The following SH3RF2 variants were observed in gnomAD, a reference collection of about 807,000 sequenced individuals.
SH3RF2 encodes SH3 domain containing ring finger 2.
A neutral mutation model predicts 59.0 loss-of-function variants in SH3RF2; 43 were observed. The observed-to-expected ratio is 0.73, with a 90% CI of 0.57 to 0.94. SH3RF2 has a LOEUF of 0.94. Ranked by LOEUF, SH3RF2 falls within the 40% of genes least tolerant of loss-of-function variation. The probability of loss-of-function intolerance (pLI) is 0.00; values close to 1 mark genes in which losing one functional copy is unlikely to be tolerated. For synonymous variants in SH3RF2, 391 were observed against 391.5 expected, an observed-to-expected ratio of 1.00 and a Z score of 0.01; for missense variants, 930 against 940.1, an observed-to-expected ratio of 0.99 and a Z score of 0.14.
chr5:145,967,371 G>GA lies in SH3RF2; in HGVS notation c.378+29075dup, dbSNP rs1020482610. Among the ~76,000 whole-genome samples the GA allele has an allele frequency of 2.3e-3, 341 of 149,298 alleles. 3 individuals carry two copies. The highest frequency in any genetic ancestry group is 5.5e-3 in the African/African-American group (226 of 40,796). ...TCCTGTTAACTGTAAGATACCTCAA[G>GA]AAAAAAAAAATCCCACAGAAGTGGT... On this transcript the variant is annotated intron_variant, in intron 2 of 9. Transcript: ENST00000359120.
chr5:146,027,344 G>A (rs958063441), intron 5 of SH3RF2, among the ~76,000 whole-genome samples: 1 of 152,208 alleles, frequency 6.6e-6, no homozygotes, highest in African/African-American at 2.4e-5. Flanking sequence ...ACACCTCGCA[G>A]TTTTTTCTGG....
intron 4 of SH3RF2, among the ~76,000 whole-genome samples, chr5:146,012,714 A>G (rs976524246): frequency 6.6e-6 from 1 of 152,194 alleles, no homozygotes; most frequent in Non-Finnish European, 1.5e-5. Context: ...GTTTGTCAAC[A>G]TGTTTCAGAT....
chr5:146,064,692 A>G (rs369624190), downstream of SH3RF2, among the ~76,000 whole-genome samples: 9 of 5,018 alleles, frequency 1.8e-3, 1 homozygote, highest in East Asian at 0.033. Flanking sequence ...GAAAGAAAGA[A>G]AGAAAGAAAG....
chr5:145,944,062 G>C (rs1757920286), intron 2 of SH3RF2, among the ~76,000 whole-genome samples: 1 of 152,166 alleles, frequency 6.6e-6, no homozygotes, highest in South Asian at 2.1e-4. Context: ...CTTTGGCTTA[G>C]CTGGGACCAG....
chr5:146,024,298 A>G (rs1013009183), intron 5 of SH3RF2, among the ~76,000 whole-genome samples: 2 of 152,170 alleles, frequency 1.3e-5, no homozygotes, highest in African/African-American at 4.8e-5. Flanking sequence ...ATGTTATCCT[A>G]TTGTGGTTTT....
chr5:146,060,090 C>T lies in SH3RF2; in HGVS notation c.1780C>T (p.His594Tyr). 6.2e-7 allele frequency: 1 copy of T among 1,614,110 alleles called. No homozygotes were observed. Among genetic ancestry groups the T allele is most frequent in the South Asian group, 1.1e-5 (1 of 91,070 alleles). Reference protein sequence around the residue: ...CISRGSEAWIHSAASSLIMED... With the variant: ...CISRGSEAWIYSAASSLIMED... ...CAGCAGGGGCAGTGAGGCCTGGATC[C>T]ACTCCGCGGCCAGCTCCCTCATTAT... The change falls in exon 9 of 10, where the codon CAC (histidine) becomes TAC (tyrosine). Residue 594 changes from histidine to tyrosine, a missense_variant. By Grantham distance (83) the His-to-Tyr change is moderately conservative. Transcript: ENST00000359120.
intron 2 of SH3RF2, among the ~76,000 whole-genome samples, chr5:145,962,008 AT>A (rs1263815215): frequency 6.6e-6 from 1 of 152,186 alleles, no homozygotes; most frequent in Non-Finnish European, 1.5e-5. Flanking sequence ...TCCAGGAGTG[AT>A]ATACTGACAG....
At chr5:146,064,646 GAAA>G (rs1763009940), downstream of SH3RF2, among the ~76,000 whole-genome samples, 3 of 41,746 alleles carry the variant, frequency 7.2e-5, 1 homozygote, top group Non-Finnish European at 1.1e-4. Context: ...GAGAGAGAAA[GAAA>G]GAGAGAGAGA....
intron 5 of SH3RF2, among the ~76,000 whole-genome samples, chr5:146,016,681 C>G (rs566940805): frequency 2.0e-5 from 3 of 152,286 alleles, no homozygotes; most frequent in African/African-American, 7.2e-5. Flanking sequence ...TGTCACTACA[C>G]TATGCTGTCA....
chr5:145,985,239 A>G (rs774041140), intron 2 of SH3RF2, among the ~76,000 whole-genome samples: 1 of 152,266 alleles, frequency 6.6e-6, no homozygotes, highest in Non-Finnish European at 1.5e-5. Flanking sequence ...GTCTCCAACA[A>G]GGGTCATGCT....
At chr5:146,016,866 A>G (rs999322422) in intron 5 of SH3RF2, among the ~76,000 whole-genome samples, 5 of 152,138 alleles carry the variant, frequency 3.3e-5, no homozygotes, top group African/African-American at 1.2e-4. Flanking sequence ...CACCTGAAAA[A>G]GGCTTCCATT....
chr5:145,937,551 G>A (rs547665913), intron 1 of SH3RF2, among the ~76,000 whole-genome samples: 33 of 152,196 alleles, frequency 2.2e-4, no homozygotes, highest in Admixed American at 2.0e-3. Context: ...GGGGTTGGGG[G>A]GCCACTTCAG....
At chr5:145,996,072 G>A (rs1760135857) in intron 2 of SH3RF2, among the ~76,000 whole-genome samples, 2 of 152,102 alleles carry the variant, frequency 1.3e-5, no homozygotes, top group African/African-American at 4.8e-5. Context: ...CACCCCTGGG[G>A]TCTCCTTACT....
chr5:146,057,161 A>G (rs1762700216), intron 8 of SH3RF2, among the ~76,000 whole-genome samples: 1 of 152,256 alleles, frequency 6.6e-6, no homozygotes, highest in Non-Finnish European at 1.5e-5. Context: ...ATTGGTCAAT[A>G]CAGAAGAGTA....
At chr5:145,978,960 T>C (rs1759405978) in intron 2 of SH3RF2, among the ~76,000 whole-genome samples, 1 of 152,148 alleles carries the variant, frequency 6.6e-6, no homozygotes. Flanking sequence ...GGCACCAAGA[T>C]TGGGTTCCTG....
Position 146,056,107 on chromosome 5 carries a change from ATCCG to A in SH3RF2, c.1452_1455del (p.Val485LeufsTer6). The A allele has an allele frequency of 6.2e-7, 1 of 1,614,186 alleles. No individual in the cohort carries two copies. Among genetic ancestry groups the A allele is most frequent in the Non-Finnish European group, 8.5e-7 (1 of 1,180,032 alleles). The stretch of plus-strand genomic sequence containing the variant: ...ATCCACGGCAAAGCCGTCCCTTCAA[ATCCG>A]TCTTTGTGCCCACTGCCATAGTCAA... On this transcript the variant is annotated frameshift_variant, in exon 8 of 10. Transcript: ENST00000359120. LOFTEE classifies it high-confidence loss of function.
rs139780310 is a variant in SH3RF2 at position 146,013,830 on chromosome 5, G to T, written c.828G>T (p.Ser276=). ...CAAAAAACCTGTCCCTGGTGTCCTC[G>T]TCCTCCAGAGGCAACACGTCTACCC... ...SRTKNLSLVS[S]SSRGNTSTLR... is the part of the protein sequence containing the mutation. Residue 276 remains serine (S), a synonymous_variant, in exon 5 of 10, where the codon TCG becomes TCT. Transcript: ENST00000359120. The T allele has an allele frequency of 3.5e-5, 57 of 1,614,136 alleles. No homozygotes were observed. In the African/African-American group the frequency reaches 6.3e-4, roughly 18 times the overall value.
chr5:146,013,410 A>C (rs1393235742), intron 4 of SH3RF2, among the ~76,000 whole-genome samples: 1 of 152,228 alleles, frequency 6.6e-6, no homozygotes, highest in Non-Finnish European at 1.5e-5. Flanking sequence ...GAAGTCCACT[A>C]GGTGAAAACA....
chr5:145,953,277 G>A (rs953263942), intron 2 of SH3RF2, among the ~76,000 whole-genome samples: 1 of 152,134 alleles, frequency 6.6e-6, no homozygotes, highest in Non-Finnish European at 1.5e-5. Context: ...TCTAAGGGAG[G>A]CATTTATGCT....
Sources: allele counts gnomAD v4.1 joint callset (sites outside exome capture counted in the v4.1 genomes callset), GRCh38; gene constraint gnomAD v4.1.1; transcripts MANE v1.5; gene names NCBI Gene and HGNC (gene_info 2026-07-23, HGNC 2026-07-21).